ACTN4: variants seen among roughly 807,000 people sequenced by gnomAD.
ACTN4 encodes actinin alpha 4, also known as alpha-actinin-4.
In ACTN4, 18 loss-of-function variants were observed where a neutral mutation model predicts 114.2. The ratio of observed to expected loss-of-function variants is 0.16; its 90% CI spans 0.11 to 0.23. ACTN4 has a LOEUF of 0.23. Ranked by LOEUF, ACTN4 falls within the 10% of genes least tolerant of loss-of-function variation. The pLI, the probability that ACTN4 is intolerant of heterozygous loss-of-function variation, is 1.00. For synonymous variants in ACTN4, 515 were observed against 506.3 expected, an observed-to-expected ratio of 1.02 and a Z score of -0.23; for missense variants, 722 against 1,262.9, an observed-to-expected ratio of 0.57 and a Z score of 6.49.
At chr19:38,721,933 G>A in intron 12 of ACTN4, 1 of 608,948 alleles carries the variant, frequency 1.6e-6, no homozygotes, top group Non-Finnish European at 2.9e-6. Flanking sequence ...GAGGTGTCTG[G>A]CCCCTTGTCT....
Position 38,704,992 on chromosome 19 carries a change from G to T in ACTN4, c.456G>T (p.Arg152Ser). 1 of 1,614,198 alleles carries T rather than the reference G, an allele frequency of 6.2e-7. No homozygotes were observed. The highest frequency in any genetic ancestry group is 8.5e-7 in the Non-Finnish European group (1 of 1,180,020). Residue 152 changes from arginine (R) to serine (S), a missense_variant, in exon 4 of 21, where the codon AGG (arginine) becomes AGT (serine). By Grantham distance (110) the Arg-to-Ser change is moderately radical. Transcript: ENST00000252699. Reference protein sequence around the residue: ...TLGMIWTIILRFAIQDISVEE... With the variant: ...TLGMIWTIILSFAIQDISVEE... ...GAATGATCTGGACCATCATCCTTAG[G>T]TTCGCCATCCAGGACATCTCCGTGG...
chr19:38,673,619 A>T (rs1187345580), intron 1 of ACTN4, among the ~76,000 whole-genome samples: 2 of 63,082 alleles, frequency 3.2e-5, no homozygotes, highest in Non-Finnish European at 6.8e-5. Context: ...ATTTATATTT[A>T]TATATATTCA....
At chr19:38,653,647 A>G (rs1424982769) in intron 1 of ACTN4, among the ~76,000 whole-genome samples, 1 of 152,208 alleles carries the variant, frequency 6.6e-6, no homozygotes, top group Non-Finnish European at 1.5e-5. Context: ...CCGTGTTTTC[A>G]TCACTCACAT....
At chr19:38,651,832 A>G (rs1242848358) in intron 1 of ACTN4, among the ~76,000 whole-genome samples, 1 of 152,076 alleles carries the variant, frequency 6.6e-6, no homozygotes, top group African/African-American at 2.4e-5. Flanking sequence ...TCCAGGTTCA[A>G]GGAATTCTCC....
chr19:38,713,766 C>T (rs1273811972), intron 8 of ACTN4, among the ~76,000 whole-genome samples: 1 of 152,182 alleles, frequency 6.6e-6, no homozygotes, highest in East Asian at 1.9e-4. Flanking sequence ...CCTCTTGGAC[C>T]CTTTCTGTGC....
intron 1 of ACTN4, among the ~76,000 whole-genome samples, chr19:38,662,668 G>C (rs1976923490): frequency 6.6e-6 from 1 of 152,218 alleles, no homozygotes; most frequent in Non-Finnish European, 1.5e-5. Context: ...TGGAAAATGT[G>C]TCGGATTAGG....
intron 6 of ACTN4, 92 bp from the exon 7 acceptor site, chr19:38,709,303 C>T (rs572926291): frequency 2.2e-5 from 21 of 966,136 alleles, no homozygotes; most frequent in South Asian, 5.1e-5. Context: ...CTCGCCCTCC[C>T]GGGTCTCTCC....
intron 12 of ACTN4, 98 bp from the exon 13 acceptor site, chr19:38,723,516 C>T: frequency 2.3e-6 from 2 of 854,820 alleles, no homozygotes; most frequent in Non-Finnish European, 3.9e-6. Context: ...ATGTTGACTG[C>T]CCCAACACCC....
At chr19:38,685,467 G>A (rs1256936795) in intron 1 of ACTN4, among the ~76,000 whole-genome samples, 19 of 152,202 alleles carry the variant, frequency 1.2e-4, no homozygotes, top group Admixed American at 1.2e-3. Flanking sequence ...TCTGTGAGGT[G>A]CAGGCCTGGA....
At chr19:38,688,145 T>C (rs1165440274) in intron 1 of ACTN4, among the ~76,000 whole-genome samples, 6 of 152,164 alleles carry the variant, frequency 3.9e-5, no homozygotes, top group South Asian at 2.1e-4. Context: ...TGGTGGCTCA[T>C]GTCCATAATT....
rs1432854716 is a variant in ACTN4 at position 38,724,721 on chromosome 19, A to G, written c.2010+156A>G. Reference sequence around the variant, plus strand: ...GGGGCCGTGATCACCCTGCGGGGTTAGGAGAGTCCACAGAGCTTGCGCCTG... The same window carrying G: ...GGGGCCGTGATCACCCTGCGGGGTTGGGAGAGTCCACAGAGCTTGCGCCTG... On this transcript the variant is annotated intron_variant, in intron 16 of 20. Transcript: ENST00000252699. This position sits in a 1 kb window ranked among gnomAD's most constrained non-coding sequence, Gnocchi z 7.0. Among the ~76,000 whole-genome samples, 3 of 152,242 alleles carry G rather than the reference A, an allele frequency of 2.0e-5. No individual in the cohort carries two copies. Among genetic ancestry groups the G allele is most frequent in the South Asian group, 4.1e-4 (2 of 4,836 alleles).
rs35501640 is a variant in ACTN4, at chr19:38,672,943, C to CTT, written c.162+25053_162+25054dup. ...GAGATGATGGGGTTGGCCATCCATT[C>CTT]TTTTTTTTTTTTTTTTTTGGAGACA... is the stretch of plus-strand genomic sequence containing the variant. On this transcript the variant is annotated intron_variant, in intron 1 of 20. Coordinates refer to ENST00000252699, the MANE Select transcript of ACTN4 (RefSeq NM_004924.6). 2.0e-3 allele frequency among the ~76,000 whole-genome samples: 240 copies of CTT among 122,902 alleles called. 5 individuals carry two copies. Among genetic ancestry groups the CTT allele is most frequent in the African/African-American group, 5.3e-3 (174 of 32,904 alleles). 80.6% of individuals were successfully genotyped at this position (122,902 alleles called of 152,430 possible). A position where few individuals can be genotyped will look rare whatever the true frequency, so the allele number is the denominator to read the frequency against.
At position 38,649,883 on chromosome 19, in the gene ACTN4, G is replaced by T. The variant is rs149343908; in HGVS notation, c.162+1976G>T. On this transcript the variant is annotated intron_variant, in intron 1 of 20. Coordinates refer to ENST00000252699, the MANE Select transcript of ACTN4 (RefSeq NM_004924.6). ...CAGCGTTGCTTGAATTTCCTCATCC[G>T]TAGTAACTGAGGGGCATGGCAGTGG... Among the ~76,000 whole-genome samples, 105 of 152,204 alleles carry T rather than the reference G, an allele frequency of 6.9e-4. 1 individual carries two copies. In the East Asian group the frequency reaches 0.016, roughly 24 times the overall value.
At chr19:38,718,920 C>T (rs35640008) in intron 11 of ACTN4, among the ~76,000 whole-genome samples, 3 of 152,326 alleles carry the variant, frequency 2.0e-5, no homozygotes, top group East Asian at 3.9e-4. Context: ...CGGACCACAG[C>T]CAGTGCTCAC....
chr19:38,703,198 A>G (rs1427723669), intron 3 of ACTN4, among the ~76,000 whole-genome samples: 3 of 151,058 alleles, frequency 2.0e-5, no homozygotes, highest in Non-Finnish European at 4.4e-5. Context: ...AGGCTGAAGA[A>G]GGTGTGGTCC....
chr19:38,684,068 G>A (rs1296576697), intron 1 of ACTN4: 2 of 152,906 alleles, frequency 1.3e-5, no homozygotes, highest in Non-Finnish European at 2.9e-5. Flanking sequence ...TTTAGTTTGG[G>A]GGTTGCGGGG....
At chr19:38,726,783 CAG>C (rs916138625) in intron 17 of ACTN4, among the ~76,000 whole-genome samples, 172 bp from the exon 18 acceptor site, 2 of 152,196 alleles carry the variant, frequency 1.3e-5, no homozygotes, top group Non-Finnish European at 2.9e-5. Context: ...ACTGTGGAGA[CAG>C]ACATTGGCAG....
chr19:38,718,099 T>G (rs1359569873), intron 11 of ACTN4, 25 bp downstream of exon 11: 4 of 1,590,936 alleles, frequency 2.5e-6, no homozygotes, highest in Non-Finnish European at 2.6e-6. Flanking sequence ...TGCCCCACTC[T>G]GCCCAGCCCC....
At chr19:38,694,957 C>T (rs1358378571) in intron 1 of ACTN4, among the ~76,000 whole-genome samples, 2 of 152,192 alleles carry the variant, frequency 1.3e-5, no homozygotes, top group African/African-American at 2.4e-5. Context: ...TTACTGCAAC[C>T]TCTGCCTCTC....
Sources: gnomAD v4.1 joint callset for allele counts (sites outside exome capture counted in the v4.1 genomes callset) on GRCh38, gnomAD v4.1.1 for gene constraint, Gnocchi (gnomAD v3.1) non-coding constraint, MANE v1.5 for transcripts, NCBI Gene and HGNC (gene_info 2026-07-23, HGNC 2026-07-21) for gene names.